PRDM15: variants seen among roughly 807,000 people sequenced by gnomAD.
The protein encoded by PRDM15 is PR/SET domain 15.
Under a neutral mutation model 128.6 loss-of-function variants are expected in PRDM15, and 64 were observed. The ratio of observed to expected loss-of-function variants is 0.50; its 90% CI spans 0.41 to 0.61. PRDM15 has a LOEUF of 0.61. PRDM15 is among the 20% of genes least tolerant of loss of function. The probability of loss-of-function intolerance (pLI) is 0.00; values close to 1 mark genes in which losing one functional copy is unlikely to be tolerated. For missense variants in PRDM15, 1,242 were observed against 1,569.1 expected (o/e 0.79, Z 3.52); for synonymous variants, 615 against 621.8 (o/e 0.99, Z 0.16).
At chr21:41,835,313 T>C (rs2062835194) in intron 11 of PRDM15, 124 bp downstream of exon 11, 1 of 789,060 alleles carries the variant, frequency 1.3e-6, no homozygotes, top group South Asian at 1.6e-5. Flanking sequence ...AGGGAAATGT[T>C]AAAAGTGAGG....
At chr21:41,816,364 C>T (rs535871061) in intron 18 of PRDM15, among the ~76,000 whole-genome samples, 1 of 152,204 alleles carries the variant, frequency 6.6e-6, no homozygotes, top group Non-Finnish European at 1.5e-5. Flanking sequence ...GGTTGTGGTG[C>T]GCTGGCAGGG....
At chr21:41,843,119 G>GTTTT (rs917659330) in intron 6 of PRDM15, among the ~76,000 whole-genome samples, 1 of 151,690 alleles carries the variant, frequency 6.6e-6, no homozygotes, top group East Asian at 1.9e-4. Context: ...TTTTTTGTTT[G>GTTTT]TTTGTTTGTT....
chr21:41,819,147 A>G (rs969540470), intron 18 of PRDM15, among the ~76,000 whole-genome samples: 5 of 152,230 alleles, frequency 3.3e-5, no homozygotes, highest in Non-Finnish European at 5.9e-5. Context: ...CAGATTCCTG[A>G]TTTAAATGCT....
At chr21:41,878,792 C>T (rs770758016) in intron 1 of PRDM15, 5 of 1,308,444 alleles carry the variant, frequency 3.8e-6, no homozygotes, top group Non-Finnish European at 4.9e-6. Context: ...ACGACATCCC[C>T]TGGGGCCTCG....
chr21:41,854,061 A>G lies in PRDM15; in HGVS notation c.538+505T>C, dbSNP rs2063505195. ...CGCCATGTGACAAGGTTTCAGTCAA[A>G]GACAGTGGTCCCATGAGATTCTAAT... is the stretch of plus-strand genomic sequence containing the variant. On this transcript the variant is annotated intron_variant, in intron 5 of 23. Coordinates refer to ENST00000398548, the MANE Select transcript of PRDM15 (RefSeq NM_001040424.3). The surrounding 1 kb of genome is among the most constrained non-coding windows in gnomAD (Gnocchi z 4.6). Among the ~76,000 whole-genome samples, 1 of 152,218 alleles carries G rather than the reference A, an allele frequency of 6.6e-6. No homozygotes were observed. The highest frequency in any genetic ancestry group is 2.4e-5 in the African/African-American group (1 of 41,470).
At position 41,864,254 on chromosome 21, in the gene PRDM15, A is replaced by G. The variant is rs78554035; in HGVS notation, c.-9-3882T>C. 1.9e-3 allele frequency among the ~76,000 whole-genome samples: 287 copies of G among 152,360 alleles called. 2 individuals are homozygous for G. The highest frequency in any genetic ancestry group is 6.7e-3 in the African/African-American group (279 of 41,588). Reference sequence around the variant, plus strand: ...CTGGGCATCCACAGTTCATTCAAAGAAATGAACTATAACTTCATATCTTAC... The same window carrying G: ...CTGGGCATCCACAGTTCATTCAAAGGAATGAACTATAACTTCATATCTTAC... On this transcript the variant is annotated intron_variant, in intron 1 of 23. Coordinates refer to ENST00000398548, the MANE Select transcript of PRDM15 (RefSeq NM_001040424.3).
chr21:41,801,575 CA>C lies in PRDM15; in HGVS notation c.3090del (p.Glu1031AsnfsTer11). ...GAGTTGTCCAGCTGTAACTGGCGTT[CA>C]GGGGTGGTAAGGTGCCCCACGGCCA... Reference protein sequence around the residue: ...QPVAVGHLTTPERQLQLDNSI... With the variant: ...QPVAVGHLTTXERQLQLDNSI... On this transcript the variant is annotated frameshift_variant, in exon 24 of 24. Coordinates refer to ENST00000398548, the MANE Select transcript of PRDM15 (RefSeq NM_001040424.3). LOFTEE classifies it high-confidence loss of function. 1 of 1,614,140 alleles carries C rather than the reference CA, an allele frequency of 6.2e-7. No homozygotes were observed. Among genetic ancestry groups the C allele is most frequent in the African/African-American group, 1.3e-5 (1 of 75,038 alleles).
rs2062270305 is a variant in PRDM15 at position 41,821,640 on chromosome 21, C to T, written c.1896+263G>A. Among the ~76,000 whole-genome samples the T allele has an allele frequency of 6.6e-6, 1 of 152,212 alleles. No individual in the cohort carries two copies. The highest frequency in any genetic ancestry group is 2.4e-5 in the African/African-American group (1 of 41,450). The stretch of plus-strand genomic sequence containing the variant: ...CCCACACTTCATGTGTGTTCCTGAA[C>T]CGTGTCACAAGGCAAGTTCCTGGAG... On this transcript the variant is annotated intron_variant, in intron 15 of 23. Transcript: ENST00000398548. This position sits in a 1 kb window ranked among gnomAD's most constrained non-coding sequence, Gnocchi z 5.4.
intron 21 of PRDM15, among the ~76,000 whole-genome samples, chr21:41,809,382 A>G (rs556976544): frequency 2.0e-5 from 3 of 151,910 alleles, no homozygotes; most frequent in South Asian, 4.2e-4. Context: ...ACAGGCGCCC[A>G]CCACCATGCC....
chr21:41,803,266 GAAAATGCTTTCAA>G (rs2061465999), intron 22 of PRDM15: 1 of 347,052 alleles, frequency 2.9e-6, no homozygotes, highest in Admixed American at 4.3e-5. Context: ...GAGCAAGGCT[GAAAATGCTTTCAA>G]ATCAGGGCTC....
At chr21:41,818,949 C>T (rs1249826129) in intron 18 of PRDM15, among the ~76,000 whole-genome samples, 2 of 152,120 alleles carry the variant, frequency 1.3e-5, no homozygotes, top group African/African-American at 4.8e-5. Context: ...ACCACGCAGC[C>T]GATTCTAGTC....
chr21:41,819,252 T>C (rs2062159546), intron 18 of PRDM15, among the ~76,000 whole-genome samples: 1 of 152,208 alleles, frequency 6.6e-6, no homozygotes, highest in Admixed American at 6.5e-5. Context: ...GTAGATACCT[T>C]GGTCACATCC....
At chr21:41,805,913 C>G (rs1352498315) in intron 21 of PRDM15, among the ~76,000 whole-genome samples, 2 of 151,280 alleles carry the variant, frequency 1.3e-5, no homozygotes, top group African/African-American at 4.9e-5. Context: ...TCATCACCAC[C>G]AACACTGTCA....
chr21:41,822,296 T>C (rs755326894), intron 14 of PRDM15, among the ~76,000 whole-genome samples: 7 of 152,240 alleles, frequency 4.6e-5, no homozygotes, highest in Non-Finnish European at 8.8e-5. Context: ...AAGATCCCAA[T>C]CTGTGCCCAG....
At chr21:41,803,121 T>TA (rs898083331) in intron 22 of PRDM15, 200 bp from the exon 23 acceptor site, 653 of 511,988 alleles carry the variant, frequency 1.3e-3, no homozygotes, top group South Asian at 1.9e-3. Flanking sequence ...GTTGCAGATT[T>TA]AAAAAAAAAA....
chr21:41,847,957 T>G (rs1455421783), intron 5 of PRDM15, among the ~76,000 whole-genome samples: 4 of 152,204 alleles, frequency 2.6e-5, no homozygotes, highest in Admixed American at 6.5e-5. Context: ...TCACTGATGC[T>G]CTTGTGCAAC....
chr21:41,840,917 T>C (rs1329822924), intron 6 of PRDM15, among the ~76,000 whole-genome samples: 2 of 151,924 alleles, frequency 1.3e-5, no homozygotes, highest in African/African-American at 4.8e-5. Flanking sequence ...AACAAAAAAT[T>C]AGACACAACT....
intron 5 of PRDM15, among the ~76,000 whole-genome samples, chr21:41,847,813 T>TA (rs2063314238): frequency 6.6e-6 from 1 of 152,238 alleles, no homozygotes; most frequent in Non-Finnish European, 1.5e-5. Flanking sequence ...AGGGGGCCGC[T>TA]ATCCCAGGAA....
Position 41,862,542 on chromosome 21 carries a change from C to T in PRDM15, c.-9-2170G>A, listed in dbSNP as rs2063853877. On this transcript the variant is annotated intron_variant, in intron 1 of 23. Coordinates refer to ENST00000398548, the MANE Select transcript of PRDM15 (RefSeq NM_001040424.3). This position sits in a 1 kb window ranked among gnomAD's most constrained non-coding sequence, Gnocchi z 4.1. The stretch of plus-strand genomic sequence containing the variant: ...GGAAGCTGGAGAGCAGGGTTTTAGC[C>T]CCCTGTGCTGCACTCTGATTCTATG... Among the ~76,000 whole-genome samples, 1 of 152,092 alleles carries T rather than the reference C, an allele frequency of 6.6e-6. No homozygotes were observed. Among genetic ancestry groups the T allele is most frequent in the African/African-American group, 2.4e-5 (1 of 41,410 alleles).
Sources: allele counts gnomAD v4.1 joint callset (sites outside exome capture counted in the v4.1 genomes callset), GRCh38; gene constraint gnomAD v4.1.1; non-coding constraint Gnocchi (gnomAD v3.1); transcripts MANE v1.5; gene names NCBI Gene and HGNC (gene_info 2026-07-23, HGNC 2026-07-21).